Variants in PLXNA4 observed in about 807,000 individuals in gnomAD.
PLXNA4 encodes the protein plexin-A4.
In PLXNA4, 44 loss-of-function variants were observed where a neutral mutation model predicts 191.8. The ratio of observed to expected loss-of-function variants is 0.23; its 90% CI spans 0.18 to 0.29. The LOEUF is 0.29. Among genes scored for constraint, PLXNA4 ranks in the 10% least tolerant of loss-of-function variants. The pLI, the probability that PLXNA4 is intolerant of heterozygous loss-of-function variation, is 1.00. For missense variants in PLXNA4, 1,800 were observed against 2,488.8 expected (o/e 0.72, Z 5.89); for synonymous variants, 1,082 against 1,009.5 (o/e 1.07, Z -1.36).
At chr7:132,397,853 G>C (rs1278562112) in intron 3 of PLXNA4, among the ~76,000 whole-genome samples, 1 of 152,244 alleles carries the variant, frequency 6.6e-6, no homozygotes, top group Non-Finnish European at 1.5e-5. Context: ...GAAGGGCACA[G>C]GGGAGAAAGG....
intron 9 of PLXNA4, among the ~76,000 whole-genome samples, chr7:132,215,534 C>T (rs2116921377): frequency 6.6e-6 from 1 of 152,312 alleles, no homozygotes; most frequent in African/African-American, 2.4e-5. Context: ...ACAGCAAGCC[C>T]TTTTCCACTA....
intron 3 of PLXNA4, among the ~76,000 whole-genome samples, chr7:132,382,316 C>T (rs1275897249): frequency 1.3e-5 from 2 of 152,092 alleles, no homozygotes; most frequent in Non-Finnish European, 2.9e-5. Context: ...GCCTTGCCTG[C>T]TTGGATAATA....
At chr7:132,165,545 G>A (rs937451071) in intron 22 of PLXNA4, among the ~76,000 whole-genome samples, 5 of 152,034 alleles carry the variant, frequency 3.3e-5, no homozygotes, top group African/African-American at 1.2e-4. Flanking sequence ...GCAACCACCG[G>A]CCACACATAG....
chr7:132,223,132 T>G (rs1562975849), intron 9 of PLXNA4, among the ~76,000 whole-genome samples: 1 of 152,332 alleles, frequency 6.6e-6, no homozygotes, highest in East Asian at 1.9e-4. Context: ...TTTGGGGGTC[T>G]CACTTCTCCT....
At chr7:132,465,835 G>A (rs1796680089) in intron 3 of PLXNA4, among the ~76,000 whole-genome samples, 1 of 152,160 alleles carries the variant, frequency 6.6e-6, no homozygotes, top group Non-Finnish European at 1.5e-5. Context: ...AGCTGGAGGA[G>A]AGAGGGACTG....
intron 1 of PLXNA4, among the ~76,000 whole-genome samples, chr7:132,562,531 T>C (rs1200610363): frequency 2.1e-3 from 138 of 64,872 alleles, no homozygotes; most frequent in Admixed American, 2.9e-3. Flanking sequence ...TCCTCCTCCT[T>C]CTCCTCTTTC....
chr7:132,203,920 G>T (rs1159935103), intron 10 of PLXNA4, among the ~76,000 whole-genome samples: 1 of 152,200 alleles, frequency 6.6e-6, no homozygotes, highest in African/African-American at 2.4e-5. Flanking sequence ...CTGGGGAGGG[G>T]TGATCACTTC....
At chr7:132,460,311 A>G (rs1414220880) in intron 3 of PLXNA4, among the ~76,000 whole-genome samples, 1 of 151,800 alleles carries the variant, frequency 6.6e-6, no homozygotes, top group East Asian at 1.9e-4. Context: ...GTGAGCCATG[A>G]TGATGCCACT....
chr7:132,473,362 C>A (rs1013859927), intron 3 of PLXNA4, among the ~76,000 whole-genome samples: 1 of 152,118 alleles, frequency 6.6e-6, no homozygotes, highest in Non-Finnish European at 1.5e-5. Flanking sequence ...GAGGCCTCAG[C>A]GGCTCCCCCA....
At chr7:132,311,418 T>C (rs934217164) in intron 3 of PLXNA4, among the ~76,000 whole-genome samples, 1 of 152,096 alleles carries the variant, frequency 6.6e-6, no homozygotes, top group East Asian at 1.9e-4. Flanking sequence ...CCCCACTCCC[T>C]AGGAGCTTCT....
At chr7:132,221,537 C>A (rs77269753) in intron 9 of PLXNA4, among the ~76,000 whole-genome samples, 1 of 152,134 alleles carries the variant, frequency 6.6e-6, no homozygotes, top group African/African-American at 2.4e-5. Context: ...GAAACCACAC[C>A]CTGAGACAGG....
intron 3 of PLXNA4, among the ~76,000 whole-genome samples, chr7:132,311,161 T>TGTGG (rs1554411053): frequency 8.0e-6 from 1 of 124,778 alleles, no homozygotes; most frequent in African/African-American, 3.3e-5. Context: ...GATAATTGTG[T>TGTGG]GTGTGTGTGT....
intron 1 of PLXNA4, among the ~76,000 whole-genome samples, chr7:132,552,616 G>A (rs2116580866): frequency 6.6e-6 from 1 of 152,280 alleles, no homozygotes; most frequent in South Asian, 2.1e-4. Context: ...CAAGTGTGAG[G>A]TTTCCAGCTG....
At chr7:132,141,710 T>TGTAA (rs1004232304) in intron 29 of PLXNA4, among the ~76,000 whole-genome samples, 32 of 152,284 alleles carry the variant, frequency 2.1e-4, no homozygotes, top group African/African-American at 7.5e-4. Context: ...TTAAAACTTG[T>TGTAA]GTAAGTCTTT....
At chr7:132,362,535 T>C (rs1018537764) in intron 3 of PLXNA4, among the ~76,000 whole-genome samples, 10 of 152,248 alleles carry the variant, frequency 6.6e-5, no homozygotes, top group African/African-American at 1.4e-4. Context: ...TCTGACTGAC[T>C]GATAGTGACT....
At chr7:132,190,612 A>C (rs7810362) in intron 14 of PLXNA4, among the ~76,000 whole-genome samples, 77,149 of 152,128 alleles carry the variant, frequency 0.51, 23,251 homozygotes, top group African/African-American at 0.83. Flanking sequence ...CACTGTGGGG[A>C]TCCCAAAGAA....
At chr7:132,461,534 T>C (rs1302345327) in intron 3 of PLXNA4, among the ~76,000 whole-genome samples, 1 of 152,194 alleles carries the variant, frequency 6.6e-6, no homozygotes, top group Non-Finnish European at 1.5e-5. Flanking sequence ...ATAAAAGCCT[T>C]TCCTGCATTG....
chr7:132,283,547 C>G lies in PLXNA4; in HGVS notation c.1503+14544G>C, dbSNP rs184810873. Among the ~76,000 whole-genome samples the G allele has an allele frequency of 3.3e-5, 5 of 152,284 alleles. No homozygotes were observed. The East Asian group carries it at 7.7e-4, about 24-fold the overall frequency. On this transcript the variant is annotated intron_variant, in intron 4 of 31. Coordinates refer to ENST00000321063, the MANE Select transcript of PLXNA4 (RefSeq NM_020911.2). The stretch of plus-strand genomic sequence containing the variant: ...GAATCTGATTGATGAAGAGAACACT[C>G]CTTTCCCCAAATCGCAAGAAGAACT...
intron 1 of PLXNA4, among the ~76,000 whole-genome samples, chr7:132,566,641 A>G (rs188400599): frequency 2.6e-5 from 4 of 152,342 alleles, no homozygotes; most frequent in Admixed American, 2.6e-4. Context: ...GGTGAATGTC[A>G]TTACTCACAT....
Sources: gnomAD v4.1 joint callset for allele counts (sites outside exome capture counted in the v4.1 genomes callset) on GRCh38, gnomAD v4.1.1 for gene constraint, MANE v1.5 for transcripts, NCBI Gene and HGNC (gene_info 2026-07-23, HGNC 2026-07-21) for gene names.